Variants in TULP4 observed in about 807,000 individuals in gnomAD.
TULP4 encodes the protein TUB like protein 4, also known as tubby-related protein 4.
A neutral mutation model predicts 129.0 loss-of-function variants in TULP4; 16 were observed. That is an observed-to-expected ratio of 0.12 (90% CI 0.08 to 0.19). TULP4 has a LOEUF of 0.19. Ranked by LOEUF, TULP4 falls within the 10% of genes least tolerant of loss-of-function variation. TULP4 has a pLI of 1.00. For synonymous variants in TULP4, 998 were observed against 854.0 expected (o/e 1.17, Z -2.94); for missense variants, 1,842 against 2,059.1 (o/e 0.89, Z 2.04).
upstream of TULP4, among the ~76,000 whole-genome samples, chr6:158,277,506 TAAC>T (rs1399571418): frequency 1.3e-5 from 2 of 152,212 alleles, no homozygotes; most frequent in East Asian, 1.9e-4. Flanking sequence ...AAGAAGACTT[TAAC>T]AACATAGTCC....
intron 11 of TULP4, among the ~76,000 whole-genome samples, chr6:158,497,025 A>G (rs867075943): frequency 6.6e-6 from 1 of 152,134 alleles, no homozygotes; most frequent in African/African-American, 2.4e-5. Context: ...TAATTTTTTA[A>G]AATTTTTGGT....
chr6:158,322,075 A>G (rs1268783297), intron 1 of TULP4, among the ~76,000 whole-genome samples: 1 of 152,232 alleles, frequency 6.6e-6, no homozygotes, highest in Non-Finnish European at 1.5e-5. Context: ...AACTTTCTCA[A>G]CATTCAGAGA....
At chr6:158,320,887 G>A (rs1779611413) in intron 1 of TULP4, among the ~76,000 whole-genome samples, 1 of 152,114 alleles carries the variant, frequency 6.6e-6, no homozygotes, top group Non-Finnish European at 1.5e-5. Context: ...CCTGCCCCTT[G>A]TCCCTGTTGT....
chr6:158,367,322 C>A (rs762966517), intron 1 of TULP4, among the ~76,000 whole-genome samples: 6 of 152,164 alleles, frequency 3.9e-5, no homozygotes, highest in African/African-American at 1.4e-4. Flanking sequence ...GAGGAGGAGT[C>A]GTCAGCCAGA....
intron 1 of TULP4, among the ~76,000 whole-genome samples, chr6:158,314,982 G>T (rs1356571914): frequency 6.6e-6 from 1 of 152,150 alleles, no homozygotes; most frequent in East Asian, 1.9e-4. Context: ...AGCGTGATTG[G>T]TAATTTCTTG....
intron 1 of TULP4, among the ~76,000 whole-genome samples, chr6:158,255,051 G>A (rs546858822): frequency 3.3e-5 from 5 of 152,282 alleles, no homozygotes; most frequent in Admixed American, 3.3e-4. Flanking sequence ...CAGCCTGGGT[G>A]ACAGAGTGAG....
At chr6:158,454,854 C>A (rs1430607656) in intron 5 of TULP4, among the ~76,000 whole-genome samples, 2 of 151,972 alleles carry the variant, frequency 1.3e-5, no homozygotes, top group African/African-American at 2.4e-5. Context: ...GATCCACCCG[C>A]CTGGGCCTCC....
At chr6:158,443,937 T>C (rs1449191009) in intron 3 of TULP4, among the ~76,000 whole-genome samples, 1 of 152,100 alleles carries the variant, frequency 6.6e-6, no homozygotes, top group African/African-American at 2.4e-5. Context: ...AAAAATTTTT[T>C]GGCCGGGTGC....
intron 2 of TULP4, among the ~76,000 whole-genome samples, chr6:158,424,150 C>T (rs1180284320): frequency 6.6e-6 from 1 of 152,088 alleles, no homozygotes; most frequent in Non-Finnish European, 1.5e-5. Context: ...GTATCCATAG[C>T]GGATTGGTTC....
chr6:158,491,756 G>T (rs1028521454), intron 9 of TULP4, among the ~76,000 whole-genome samples: 1 of 151,980 alleles, frequency 6.6e-6, no homozygotes, highest in African/African-American at 2.4e-5. Context: ...CTCCCAAGGT[G>T]CTGGGATTAC....
At chr6:158,305,391 TCATC>T (rs1316642220) in intron 1 of TULP4, among the ~76,000 whole-genome samples, 3 of 150,912 alleles carry the variant, frequency 2.0e-5, no homozygotes, top group South Asian at 2.1e-4. Flanking sequence ...GTTTACCCGT[TCATC>T]CATCAGTGGA....
At chr6:158,237,498 A>G in intron 1 of TULP4, 2 of 1,546,984 alleles carry the variant, frequency 1.3e-6, no homozygotes, top group South Asian at 2.2e-5. Flanking sequence ...GGCTACTCAC[A>G]GTTTTTCTGG....
chr6:158,464,226 T>A (rs1341146063), intron 6 of TULP4, among the ~76,000 whole-genome samples: 3 of 152,100 alleles, frequency 2.0e-5, no homozygotes, highest in Admixed American at 6.6e-5. Flanking sequence ...TTTTGTACAT[T>A]TTAGGGAGAC....
intron 1 of TULP4, among the ~76,000 whole-genome samples, chr6:158,243,187 T>G (rs1353930368): frequency 6.6e-6 from 1 of 152,190 alleles, no homozygotes; most frequent in Non-Finnish European, 1.5e-5. Context: ...CCAGTTTTGT[T>G]TGAGCAATAC....
chr6:158,487,277 G>A (rs1379256830), intron 8 of TULP4, among the ~76,000 whole-genome samples: 5 of 151,650 alleles, frequency 3.3e-5, no homozygotes, highest in African/African-American at 1.2e-4. Flanking sequence ...AGTAAATAAA[G>A]AAAATACAAA....
At chr6:158,246,023 GGT>G (rs66690741) in intron 1 of TULP4, among the ~76,000 whole-genome samples, 3,765 of 145,736 alleles carry the variant, frequency 0.026, 99 homozygotes, top group African/African-American at 0.07. Flanking sequence ...ACCCCTTAGG[GGT>G]GTGTGTGTGT....
At chr6:158,383,004 G>A (rs1387321602) in intron 1 of TULP4, among the ~76,000 whole-genome samples, 2 of 152,220 alleles carry the variant, frequency 1.3e-5, no homozygotes, top group Non-Finnish European at 2.9e-5. Flanking sequence ...TGAGAACTCA[G>A]GTTCAAGGAT....
At chr6:158,452,635 A>G (rs985603328) in intron 5 of TULP4, among the ~76,000 whole-genome samples, 3 of 152,238 alleles carry the variant, frequency 2.0e-5, no homozygotes, top group Non-Finnish European at 4.4e-5. Flanking sequence ...ATGGTGCACA[A>G]GACATCATTT....
At chr6:158,415,349 C>CT (rs561619354) in intron 2 of TULP4, among the ~76,000 whole-genome samples, 20,677 of 130,576 alleles carry the variant, frequency 0.16, 2,134 homozygotes, top group South Asian at 0.25. Context: ...GAGTGTGCTT[C>CT]TTTTTTTTTT....
Sources: gnomAD v4.1 joint callset for allele counts (sites outside exome capture counted in the v4.1 genomes callset) on GRCh38, gnomAD v4.1.1 for gene constraint, MANE v1.5 for transcripts, NCBI Gene and HGNC (gene_info 2026-07-23, HGNC 2026-07-21) for gene names.